Variants in CREB5 observed in about 807,000 individuals in gnomAD.
CREB5 encodes the protein cAMP responsive element binding protein 5, also known as cyclic AMP-responsive element-binding protein 5.
In CREB5, 19 loss-of-function variants were observed where a neutral mutation model predicts 57.1. The observed-to-expected ratio is 0.33, with a 90% CI of 0.23 to 0.49. The LOEUF is 0.49. Among genes scored for constraint, CREB5 ranks in the 20% least tolerant of loss-of-function variants. The pLI is 0.99. For synonymous variants in CREB5, 238 were observed against 238.3 expected, an observed-to-expected ratio of 1.00 and a Z score of 0.01; for missense variants, 579 against 671.6, an observed-to-expected ratio of 0.86 and a Z score of 1.52.
At chr7:28,754,781 A>T (rs1314402440) in intron 7 of CREB5, among the ~76,000 whole-genome samples, 1 of 152,134 alleles carries the variant, frequency 6.6e-6, no homozygotes, top group Non-Finnish European at 1.5e-5. Context: ...TTTACAATAG[A>T]GAGGGATCCT....
intron 5 of CREB5, among the ~76,000 whole-genome samples, chr7:28,702,366 G>T (rs1251847804): frequency 2.0e-5 from 3 of 152,228 alleles, no homozygotes; most frequent in Non-Finnish European, 4.4e-5. Context: ...GCCTTGGAAA[G>T]AAAACATTTC....
chr7:28,667,395 T>C (rs908493553), intron 5 of CREB5, among the ~76,000 whole-genome samples: 2 of 151,740 alleles, frequency 1.3e-5, no homozygotes, highest in Admixed American at 6.6e-5. Context: ...TTTTTAAAGA[T>C]ACAGAATATT....
chr7:28,657,323 C>T (rs369538315), intron 5 of CREB5, among the ~76,000 whole-genome samples: 6 of 152,306 alleles, frequency 3.9e-5, no homozygotes, highest in East Asian at 3.9e-4. Context: ...CCAGAGCCTG[C>T]TTTGATAATT....
At chr7:28,561,243 T>A (rs553442142) in intron 4 of CREB5, among the ~76,000 whole-genome samples, 1 of 152,214 alleles carries the variant, frequency 6.6e-6, no homozygotes, top group Non-Finnish European at 1.5e-5. Context: ...CTGAGGACAA[T>A]GGTAGGAAAT....
Position 28,464,078 on chromosome 7 carries a change from G to A in CREB5, c.4-24097G>A, listed in dbSNP as rs116005904. Among the ~76,000 whole-genome samples, 509 of 152,176 alleles carry A rather than the reference G, an allele frequency of 3.3e-3. 6 individuals are homozygous for A. The highest frequency in any genetic ancestry group is 0.011 in the African/African-American group (465 of 41,508). On this transcript the variant is annotated intron_variant, in intron 1 of 10. Transcript: ENST00000357727. The stretch of plus-strand genomic sequence containing the variant: ...GTTGTGTGTAGTTTTTCTTTTTGTA[G>A]GCAGCTTTGATGCAGTTTTTATGCT...
chr7:28,423,143 C>T (rs1788343631), intron 1 of CREB5, among the ~76,000 whole-genome samples: 1 of 152,180 alleles, frequency 6.6e-6, no homozygotes, highest in African/African-American at 2.4e-5. Flanking sequence ...TAGCCACATA[C>T]ACTTATGGAA....
intron 1 of CREB5, among the ~76,000 whole-genome samples, chr7:28,378,849 C>T (rs1327267304): frequency 1.3e-5 from 2 of 152,196 alleles, no homozygotes; most frequent in Admixed American, 6.5e-5. Context: ...ACTTGTCCAG[C>T]GGATGTCAAA....
chr7:28,383,462 G>A (rs1468459506), intron 1 of CREB5, among the ~76,000 whole-genome samples: 1 of 152,180 alleles, frequency 6.6e-6, no homozygotes, highest in Non-Finnish European at 1.5e-5. Context: ...AGGAAGCATG[G>A]CACCAGCATC....
At chr7:28,467,184 G>C (rs1213816102) in intron 1 of CREB5, among the ~76,000 whole-genome samples, 1 of 152,138 alleles carries the variant, frequency 6.6e-6, no homozygotes, top group East Asian at 1.9e-4. Context: ...AGGGGCAATT[G>C]GTAGAGGGCA....
intron 1 of CREB5, among the ~76,000 whole-genome samples, chr7:28,426,718 T>C (rs1414688107): frequency 1.3e-5 from 2 of 152,232 alleles, no homozygotes; most frequent in Non-Finnish European, 2.9e-5. Flanking sequence ...GCTTTGTTAA[T>C]CTTTTTCTTA....
At chr7:28,686,837 AC>A (rs1463833616) in intron 5 of CREB5, among the ~76,000 whole-genome samples, 2 of 152,156 alleles carry the variant, frequency 1.3e-5, no homozygotes, top group Non-Finnish European at 2.9e-5. Context: ...TAAAAGTAAA[AC>A]TATATTATGG....
In CREB5 at chr7:28,587,736, G is replaced by C. The variant is rs565874898; in HGVS notation, c.464+17199G>C. ...TGTGGTTTATTTTCCTAAGGTTCAC[G>C]GTATAGGTTTTAAATTCAGCCTTGA... On this transcript the variant is annotated intron_variant, in intron 5 of 10. Coordinates refer to ENST00000357727, the MANE Select transcript of CREB5 (RefSeq NM_182898.4). Among the ~76,000 whole-genome samples the C allele has an allele frequency of 7.2e-4, 109 of 152,198 alleles. 1 individual carries two copies. Among genetic ancestry groups the C allele is most frequent in the Non-Finnish European group, 1.2e-3 (80 of 68,010 alleles).
At chr7:28,413,164 A>T (rs1444165174) in intron 1 of CREB5, among the ~76,000 whole-genome samples, 2 of 151,456 alleles carry the variant, frequency 1.3e-5, no homozygotes, top group Non-Finnish European at 2.9e-5. Flanking sequence ...TATGTTCAGA[A>T]GCATATGAAC....
chr7:28,393,930 C>T (rs1199419975), intron 1 of CREB5, among the ~76,000 whole-genome samples: 1 of 151,800 alleles, frequency 6.6e-6, no homozygotes, highest in African/African-American at 2.4e-5. Flanking sequence ...CTAAAATTAG[C>T]CAGGTGCAGT....
intron 1 of CREB5, among the ~76,000 whole-genome samples, chr7:28,308,920 G>C (rs763039764): frequency 2.0e-5 from 3 of 152,196 alleles, no homozygotes; most frequent in East Asian, 3.8e-4. Context: ...TTTTGGATGA[G>C]ATTAACATTT....
chr7:28,351,500 T>C (rs2127990622), intron 1 of CREB5, among the ~76,000 whole-genome samples: 1 of 152,346 alleles, frequency 6.6e-6, no homozygotes, highest in East Asian at 1.9e-4. Context: ...TCTGAGATTT[T>C]CCTTTCCTAT....
chr7:28,723,824 A>G (rs937870888), intron 6 of CREB5, among the ~76,000 whole-genome samples: 1 of 152,210 alleles, frequency 6.6e-6, no homozygotes, highest in African/African-American at 2.4e-5. Flanking sequence ...TGGTGATTAT[A>G]TTTAGTGGAG....
chr7:28,698,137 T>C (rs1239487662), intron 5 of CREB5, among the ~76,000 whole-genome samples: 2 of 152,134 alleles, frequency 1.3e-5, no homozygotes, highest in Non-Finnish European at 2.9e-5. Context: ...CTTGGCAAGA[T>C]GGATTTCAGG....
At chr7:28,732,033 G>A (rs542089436) in intron 7 of CREB5, among the ~76,000 whole-genome samples, 14 of 152,160 alleles carry the variant, frequency 9.2e-5, no homozygotes, top group South Asian at 6.2e-4. Context: ...GGTCTTCCTC[G>A]GGTTCTAGAG....
Sources: gnomAD v4.1 joint callset for allele counts (sites outside exome capture counted in the v4.1 genomes callset) on GRCh38, gnomAD v4.1.1 for gene constraint, MANE v1.5 for transcripts, NCBI Gene and HGNC (gene_info 2026-07-23, HGNC 2026-07-21) for gene names.